CDH23: variants seen among roughly 807,000 people sequenced by gnomAD.
CDH23 encodes cadherin-23.
A neutral mutation model predicts 317.1 loss-of-function variants in CDH23; 189 were observed. The ratio of observed to expected loss-of-function variants is 0.60; its 90% CI spans 0.53 to 0.67. CDH23 has a LOEUF of 0.67. Among genes scored for constraint, CDH23 ranks in the 30% least tolerant of loss-of-function variants. The probability of loss-of-function intolerance (pLI) is 0.00; values close to 1 mark genes in which losing one functional copy is unlikely to be tolerated. For missense variants in CDH23, 4,401 were observed against 4,592.4 expected (o/e 0.96, Z 1.20); for synonymous variants, 1,839 against 1,876.8 (o/e 0.98, Z 0.52).
intron 20 of CDH23, 129 bp from the exon 21 acceptor site, chr10:71,694,018 C>T (rs1865280874): frequency 3.9e-6 from 3 of 769,102 alleles, no homozygotes; most frequent in Non-Finnish European, 6.7e-6. Flanking sequence ...GCCGCCAGAT[C>T]ATGGTAGCTT....
chr10:71,515,266 C>G (rs1272877113), intron 6 of CDH23, among the ~76,000 whole-genome samples: 1 of 152,034 alleles, frequency 6.6e-6, no homozygotes, highest in African/African-American at 2.4e-5. Flanking sequence ...CCTTTCCCAA[C>G]TTATTTTTCG....
intron 3 of CDH23, among the ~76,000 whole-genome samples, chr10:71,465,322 G>A (rs955358999): frequency 6.6e-6 from 1 of 152,354 alleles, no homozygotes; most frequent in Middle Eastern, 3.4e-3. Context: ...ACTCAGCTGG[G>A]GGCAGGCAGC....
chr10:71,725,970 A>G lies in CDH23; in HGVS notation c.3579+450A>G, dbSNP rs190691281. Among the ~76,000 whole-genome samples the G allele has an allele frequency of 2.0e-3, 303 of 151,262 alleles. 1 individual carries two copies. Among genetic ancestry groups the G allele is most frequent in the Non-Finnish European group, 3.4e-3 (233 of 67,728 alleles). ...GAATCCAAGTTCAGTGCCCTTTCCA[A>G]TGAAAGTGACCCTAATATATTCCAG... On this transcript the variant is annotated intron_variant, in intron 30 of 69. Coordinates refer to ENST00000224721, the MANE Select transcript of CDH23 (RefSeq NM_022124.6).
intron 1 of CDH23, among the ~76,000 whole-genome samples, chr10:71,403,327 CT>C (rs1383035259): frequency 0.3 from 15,798 of 53,448 alleles, 3,768 homozygotes; most frequent in African/African-American, 0.41. Flanking sequence ...TCCTTCCTTC[CT>C]TTCTTTCTTT....
chr10:71,546,109 G>A (rs564671257), intron 6 of CDH23, among the ~76,000 whole-genome samples: 1 of 151,972 alleles, frequency 6.6e-6, no homozygotes, highest in South Asian at 2.1e-4. Flanking sequence ...CTCACACCCA[G>A]GACAGGGAAA....
chr10:71,403,326 C>CCTTCCTTT (rs1315167195), intron 1 of CDH23, among the ~76,000 whole-genome samples: 19 of 60,768 alleles, frequency 3.1e-4, no homozygotes, highest in South Asian at 5.5e-4. Flanking sequence ...TTCCTTCCTT[C>CCTTCCTTT]CTTTCTTTCT....
intron 3 of CDH23, among the ~76,000 whole-genome samples, chr10:71,502,629 C>T (rs1484801566): frequency 6.6e-6 from 1 of 152,126 alleles, no homozygotes; most frequent in Non-Finnish European, 1.5e-5. Flanking sequence ...TCTGGCAGGC[C>T]GGGCCCAGGG....
At chr10:71,782,065 C>A (rs1840971422) in intron 41 of CDH23, among the ~76,000 whole-genome samples, 1 of 152,216 alleles carries the variant, frequency 6.6e-6, no homozygotes, top group South Asian at 2.1e-4. Flanking sequence ...ACCTTCCCAA[C>A]ACTGCAGCCT....
At chr10:71,424,377 G>T (rs571923744) in intron 1 of CDH23, among the ~76,000 whole-genome samples, 1 of 152,226 alleles carries the variant, frequency 6.6e-6, no homozygotes, top group Non-Finnish European at 1.5e-5. Flanking sequence ...ATATTAACAC[G>T]CGTAAAAACA....
At position 71,673,345 on chromosome 10, in the gene CDH23, G is replaced by T. The variant is rs573223470; in HGVS notation, c.1450-1767G>T. On this transcript the variant is annotated intron_variant, in intron 14 of 69. Transcript: ENST00000224721. ...CACCACAGTGACCCCTCGCCAAGGGGTTCAATGACATGGCAGTCAGATCTT... is the reference window on the plus strand; with the variant it reads ...CACCACAGTGACCCCTCGCCAAGGGTTTCAATGACATGGCAGTCAGATCTT... Among the ~76,000 whole-genome samples, 4 of 152,346 alleles carry T rather than the reference G, an allele frequency of 2.6e-5. No individual in the cohort carries two copies. In the South Asian group the frequency reaches 8.3e-4, roughly 32 times the overall value.
chr10:71,740,750 C>T, intron 36 of CDH23, 72 bp from the exon 37 acceptor site: 1 of 1,598,332 alleles, frequency 6.3e-7, no homozygotes, highest in Non-Finnish European at 8.5e-7. Context: ...TTGCACAGCC[C>T]TTTTGGACTC....
intron 1 of CDH23, among the ~76,000 whole-genome samples, chr10:71,401,450 T>G (rs1299715521): frequency 6.6e-6 from 1 of 152,238 alleles, no homozygotes; most frequent in Non-Finnish European, 1.5e-5. Flanking sequence ...GTGATGGTTC[T>G]CTTACCTTCT....
chr10:71,695,597 C>CG, intron 22 of CDH23, 72 bp downstream of exon 22: 7 of 1,059,034 alleles, frequency 6.6e-6, no homozygotes, highest in Non-Finnish European at 1.0e-5. Flanking sequence ...CACTGCGATT[C>CG]CAGGGGGCCT....
chr10:71,617,694 T>C (rs1008847075), intron 11 of CDH23: 1 of 356,790 alleles, frequency 2.8e-6, no homozygotes, highest in African/African-American at 2.2e-5. Context: ...TGTACAAAAA[T>C]AGCAATTTTA....
chr10:71,571,731 T>A (rs1290220476), intron 8 of CDH23, among the ~76,000 whole-genome samples: 2 of 152,230 alleles, frequency 1.3e-5, no homozygotes, highest in African/African-American at 4.8e-5. Flanking sequence ...CCCTGGTCAT[T>A]AGCTTAGGGA....
intron 6 of CDH23, among the ~76,000 whole-genome samples, chr10:71,552,551 A>G (rs2066598294): frequency 6.6e-6 from 1 of 152,196 alleles, no homozygotes; most frequent in Admixed American, 6.5e-5. Flanking sequence ...GGAGGGAGAA[A>G]TGCTTTCATT....
rs545514111 is a variant in CDH23, at chr10:71,793,635, A to G, written c.6707A>G (p.Asn2236Ser). The G allele has an allele frequency of 1.6e-5, 25 of 1,580,642 alleles. No homozygotes were observed. The highest frequency in any genetic ancestry group is 5.1e-5 in the Admixed American group (3 of 58,452). The change falls in exon 48 of 70, where the codon AAC (asparagine) becomes AGC (serine). Residue 2236 changes from asparagine to serine, a missense_variant. Asn to Ser is a conservative substitution (Grantham distance 46, BLOSUM62 1). Around this residue, in one of 3 missense-constraint regions of CDH23, gnomAD observed 3,068 missense variants for 3,203.3 expected, o/e 0.96. Transcript: ENST00000224721. ...GAGGACGCCTTTGCTGTGAATATCA[A>G]CACAGGTACAAGGGCCTGCACCCCT... ...NQEDAFAVNI[N>S]TGSVMVKSPM... is the part of the protein sequence containing the mutation.
intron 14 of CDH23, among the ~76,000 whole-genome samples, chr10:71,660,804 T>G (rs1665621): frequency 0.091 from 13,773 of 151,770 alleles, 1,472 homozygotes; most frequent in African/African-American, 0.24. Context: ...TTTGGAAGTG[T>G]GGGTGGTGAT....
At position 71,476,404 on chromosome 10, in the gene CDH23, G is replaced by A. The variant is rs1477840211; in HGVS notation, c.145+30009G>A. On this transcript the variant is annotated intron_variant, in intron 3 of 69. Transcript: ENST00000224721. Reference sequence around the variant, plus strand: ...ATTGAGAAGGAACCCAGGGCCCGGAGAAGGGAAGTGACATGCTCAAGGTCA... The same window carrying A: ...ATTGAGAAGGAACCCAGGGCCCGGAAAAGGGAAGTGACATGCTCAAGGTCA... 3.3e-5 allele frequency among the ~76,000 whole-genome samples: 5 copies of A among 152,194 alleles called. No homozygotes were observed. In the East Asian group the frequency reaches 7.7e-4, roughly 23 times the overall value.
Sources: gnomAD v4.1 joint callset for allele counts (sites outside exome capture counted in the v4.1 genomes callset) on GRCh38, gnomAD v4.1.1 for gene constraint, gnomAD v4.1.1 regional missense constraint, MANE v1.5 for transcripts, NCBI Gene and HGNC (gene_info 2026-07-23, HGNC 2026-07-21) for gene names.